The following MPDZ variants were observed in gnomAD, a reference collection of about 807,000 sequenced individuals.
The protein encoded by MPDZ is multiple PDZ domain crumbs cell polarity complex component, also known as multiple PDZ domain protein.
MPDZ carries 234 observed loss-of-function variants against 239.1 expected under a neutral mutation model. The ratio of observed to expected loss-of-function variants is 0.98; its 90% CI spans 0.88 to 1.09. The LOEUF (loss-of-function observed/expected upper bound fraction) is 1.09. Ranked by LOEUF, MPDZ falls within the 50% of genes least tolerant of loss-of-function variation. MPDZ has a pLI of 0.00. For synonymous variants in MPDZ, 1,048 were observed against 881.3 expected, an observed-to-expected ratio of 1.19 and a Z score of -3.35; for missense variants, 3,175 against 2,510.0, an observed-to-expected ratio of 1.26 and a Z score of -5.66.
chr9:13,110,797 T>C lies in MPDZ; in HGVS notation c.5725-57A>G. 4 of 1,227,734 alleles carry C rather than the reference T, an allele frequency of 3.3e-6. No individual in the cohort carries two copies. In the South Asian group the frequency reaches 3.9e-5, roughly 12 times the overall value. 76.1% of individuals were successfully genotyped at this position (1,227,734 alleles called of 1,614,324 possible). On this transcript the variant is annotated intron_variant, in intron 43 of 46. Transcript: ENST00000319217. Reference sequence around the variant, plus strand: ...TAAAGCAGCCATGGAGAGTGGGTCTTTGAGACCTAAGTATTCATTTCCTTC... The same window carrying C: ...TAAAGCAGCCATGGAGAGTGGGTCTCTGAGACCTAAGTATTCATTTCCTTC...
At chr9:13,124,000 A>G (rs1175378053) in intron 35 of MPDZ, among the ~76,000 whole-genome samples, 1 of 152,238 alleles carries the variant, frequency 6.6e-6, no homozygotes, top group African/African-American at 2.4e-5. Flanking sequence ...ACATTATTTT[A>G]TCAGAGTCTT....
rs113679037 is a variant in MPDZ at position 13,242,573 on chromosome 9, T to C, written c.183+5062A>G. 2.8e-3 allele frequency among the ~76,000 whole-genome samples: 421 copies of C among 151,282 alleles called. 1 individual carries two copies. Among genetic ancestry groups the C allele is most frequent in the African/African-American group, 0.01 (412 of 41,134 alleles). On this transcript the variant is annotated intron_variant, in intron 3 of 46. Transcript: ENST00000319217. ...ATGATTGCTAAAATAATGTACATAC[T>C]AGAACAATTAGAAGACAAAGTTAAT...
In MPDZ at chr9:13,196,191, T is replaced by C; in HGVS notation, c.1586A>G (p.Asp529Gly). 2 of 1,598,292 alleles carry C rather than the reference T, an allele frequency of 1.3e-6. No homozygotes were observed. Among genetic ancestry groups the C allele is most frequent in the Non-Finnish European group, 1.7e-6 (2 of 1,171,092 alleles). The change falls in exon 13 of 47, where the codon GAT becomes GGT. Residue 529 changes from aspartate to glycine, a missense_variant. Asp to Gly is a moderately conservative substitution (Grantham distance 94). Transcript: ENST00000319217. ...CAGAGCAGCTTCTTGTTTTTGTGCA[T>C]CTTCTATTTCTTCTATCTCAGCTGA... ...LLSAEIEEIE[D>G]AQKQEAALLT... is the part of the protein sequence containing the mutation.
At chr9:13,189,199 A>G (rs1263209944) in intron 16 of MPDZ, among the ~76,000 whole-genome samples, 1 of 152,174 alleles carries the variant, frequency 6.6e-6, no homozygotes, top group African/African-American at 2.4e-5. Flanking sequence ...ACCTTAAACA[A>G]TGGCACCCTC....
intron 3 of MPDZ, among the ~76,000 whole-genome samples, chr9:13,246,422 G>A (rs1854663): frequency 0.11 from 17,149 of 152,172 alleles, 1,111 homozygotes; most frequent in Non-Finnish European, 0.14. Flanking sequence ...AACCTGAGTG[G>A]CAGAATGAGA....
At chr9:13,231,546 A>C (rs1012817232) in intron 3 of MPDZ, among the ~76,000 whole-genome samples, 33 of 152,084 alleles carry the variant, frequency 2.2e-4, no homozygotes, top group Middle Eastern at 3.4e-3. Context: ...ACAAAGAGCA[A>C]CTCTATTTAA....
intron 1 of MPDZ, among the ~76,000 whole-genome samples, chr9:13,277,722 G>T (rs544999695): frequency 6.6e-6 from 1 of 151,898 alleles, no homozygotes; most frequent in Non-Finnish European, 1.5e-5. Context: ...GAGCCATCAC[G>T]CTCCGCTAAT....
chr9:13,267,356 A>G (rs139365210), intron 1 of MPDZ, among the ~76,000 whole-genome samples: 2 of 152,164 alleles, frequency 1.3e-5, no homozygotes, highest in Non-Finnish European at 2.9e-5. Flanking sequence ...TAATCCTACC[A>G]AGAGCTCCAT....
chr9:13,165,488 G>A, intron 22 of MPDZ: 2 of 1,506,342 alleles, frequency 1.3e-6, no homozygotes, highest in East Asian at 2.5e-5. Context: ...AATGTGAGAT[G>A]CATACATATG....
chr9:13,217,972 T>C (rs1019966201), intron 8 of MPDZ, among the ~76,000 whole-genome samples: 1 of 151,808 alleles, frequency 6.6e-6, no homozygotes, highest in African/African-American at 2.4e-5. Context: ...AAGCATTAGT[T>C]GATTGGTACA....
intron 4 of MPDZ, 79 bp from the exon 5 acceptor site, chr9:13,223,789 T>C: frequency 4.9e-6 from 7 of 1,441,292 alleles, no homozygotes; most frequent in Non-Finnish European, 6.4e-6. Flanking sequence ...CCCAGCACTT[T>C]GGGAGGCCAA....
intron 32 of MPDZ, among the ~76,000 whole-genome samples, chr9:13,128,707 T>C (rs1262188262): frequency 6.6e-6 from 1 of 152,192 alleles, no homozygotes; most frequent in Non-Finnish European, 1.5e-5. Context: ...GGCTCAAAAG[T>C]AGACACATGA....
intron 3 of MPDZ, among the ~76,000 whole-genome samples, chr9:13,227,002 C>T (rs1213789929): frequency 6.6e-6 from 1 of 151,980 alleles, no homozygotes; most frequent in African/African-American, 2.4e-5. Context: ...CACGGTGTTC[C>T]TATCATCCTT....
At chr9:13,122,222 G>T in intron 36 of MPDZ, 52 bp from the exon 37 acceptor site, 1 of 1,547,464 alleles carries the variant, frequency 6.5e-7, no homozygotes. Context: ...CCTAGGAATG[G>T]TGAGCAGAAA....
chr9:13,247,137 T>C (rs951283917), intron 3 of MPDZ, among the ~76,000 whole-genome samples: 9 of 152,220 alleles, frequency 5.9e-5, no homozygotes, highest in Admixed American at 4.6e-4. Context: ...TTTAAAGAAG[T>C]GAGAATTGCA....
intron 22 of MPDZ, among the ~76,000 whole-genome samples, chr9:13,167,625 T>A (rs1173604227): frequency 6.6e-6 from 1 of 152,146 alleles, no homozygotes; most frequent in Non-Finnish European, 1.5e-5. Context: ...TATTTTATGA[T>A]GTTATCCCTC....
At chr9:13,259,922 C>CT (rs2138641112) in intron 1 of MPDZ, among the ~76,000 whole-genome samples, 1 of 152,260 alleles carries the variant, frequency 6.6e-6, no homozygotes, top group African/African-American at 2.4e-5. Context: ...CAACCTCCGC[C>CT]TCCCAGGTTC....
intron 29 of MPDZ, 123 bp from the exon 30 acceptor site, chr9:13,136,926 A>C (rs1377541567): frequency 4.1e-6 from 2 of 493,462 alleles, no homozygotes; most frequent in Non-Finnish European, 6.9e-6. Context: ...ATTAAATGTT[A>C]TATATTTTCC....
chr9:13,115,017 G>A (rs1208220634), intron 40 of MPDZ, among the ~76,000 whole-genome samples: 2 of 152,276 alleles, frequency 1.3e-5, no homozygotes, highest in South Asian at 4.1e-4. Flanking sequence ...TGTCAAAAAA[G>A]AATGCTTGAA....
Sources: allele counts gnomAD v4.1 joint callset (sites outside exome capture counted in the v4.1 genomes callset), GRCh38; gene constraint gnomAD v4.1.1; transcripts MANE v1.5; gene names NCBI Gene and HGNC (gene_info 2026-07-23, HGNC 2026-07-21).